The following INSL6 variants were observed in gnomAD, a reference collection of about 807,000 sequenced individuals.
INSL6 encodes the protein insulin-like peptide INSL6.
A neutral mutation model predicts 9.4 loss-of-function variants in INSL6; 16 were observed. The ratio of observed to expected loss-of-function variants is 1.70; its 90% CI spans 1.15 to 2.59. INSL6 has a LOEUF of 2.59. INSL6 is among the 30% of genes most tolerant of loss of function. The pLI, the probability that INSL6 is intolerant of heterozygous loss-of-function variation, is 0.00. For missense variants in INSL6, 391 were observed against 257.3 expected (o/e 1.52, Z -3.56); for synonymous variants, 154 against 96.9 (o/e 1.59, Z -3.46).
At chr9:5,078,375 A>G in the INSL6 span, 1 of 1,612,940 alleles carries the variant, frequency 6.2e-7, no homozygotes, top group Non-Finnish European at 8.5e-7. Context: ...AGAAGACAGG[A>G]AGACAGGAAA....
At chr9:5,073,879 G>A in the INSL6 span, 1 of 767,778 alleles carries the variant, frequency 1.3e-6, no homozygotes, top group African/African-American at 1.7e-5. Flanking sequence ...CTAGGTGTCA[G>A]TGTAAACTAT....
intron 3 of INSL6, among the ~76,000 whole-genome samples, chr9:5,130,184 C>T (rs1027275949): frequency 6.6e-6 from 1 of 152,072 alleles, no homozygotes; most frequent in East Asian, 1.9e-4. Context: ...ATTTTTAAAA[C>T]GAGACCTTTA....
the INSL6 span, chr9:5,111,021 C>A: frequency 2.5e-6 from 2 of 801,612 alleles, no homozygotes; most frequent in Non-Finnish European, 4.1e-6. Flanking sequence ...AGGGCCGGCC[C>A]GCCTCCCTGG....
In INSL6 at chr9:5,164,035, A is replaced by G; in HGVS notation, c.520T>C (p.Tyr174His). ...GHHPQRKRRGYSEKCCLTGCT... is the reference protein window; with the variant it reads ...GHHPQRKRRGHSEKCCLTGCT... ...CCTGTAAGACAACACTTTTCTGAAT[A>G]TCCTCTGCGTTTTCTTTGGGGATGA... is the stretch of plus-strand genomic sequence containing the variant. The change falls in exon 2 of 2, where the codon TAT becomes CAT. Residue 174 changes from tyrosine (Y) to histidine (H), a missense_variant. Coordinates refer to ENST00000381641, the MANE Select transcript of INSL6 (RefSeq NM_007179.3). The G allele has an allele frequency of 1.2e-6, 2 of 1,613,720 alleles. No individual in the cohort carries two copies. The highest frequency in any genetic ancestry group is 2.2e-5 in the South Asian group (2 of 91,046).
chr9:5,133,731 A>C lies in INSL6; in HGVS notation c.377-139T>G, dbSNP rs986348786. 15 of 152,024 alleles carry C rather than the reference A, an allele frequency of 9.9e-5. 1 individual carries two copies. The highest frequency in any genetic ancestry group is 3.6e-4 in the African/African-American group (15 of 41,260). 9.4% of individuals were successfully genotyped at this position (152,024 alleles called of 1,614,324 possible). A position where few individuals can be genotyped will look rare whatever the true frequency, so the allele number is the denominator to read the frequency against. The stretch of plus-strand genomic sequence containing the variant: ...ACCAAAGGTAGATAAATCCACTAAG[A>C]TGGGGAGAAACCAGCAAGAAAAGGG... On this transcript the variant is annotated intron_variant, in intron 2 of 3. Coordinates refer to the INSL6 transcript ENST00000649639.
the INSL6 span, among the ~76,000 whole-genome samples, chr9:5,053,449 A>G: frequency 6.6e-6 from 1 of 152,000 alleles, no homozygotes; most frequent in South Asian, 2.1e-4. Context: ...TACTTTCCTG[A>G]AGGTATCATT....
intron 2 of INSL6, among the ~76,000 whole-genome samples, chr9:5,136,644 A>G (rs1396329444): frequency 6.6e-6 from 1 of 152,236 alleles, no homozygotes; most frequent in Non-Finnish European, 1.5e-5. Context: ...GCTATTTATG[A>G]CAAACTCACA....
the INSL6 span, chr9:5,069,162 C>G: frequency 8.1e-6 from 13 of 1,611,072 alleles, no homozygotes; most frequent in African/African-American, 1.3e-5. Context: ...TTCGCTCAGA[C>G]AATATAATTT....
the INSL6 span, chr9:5,112,641 C>G: frequency 1.0e-6 from 1 of 1,003,754 alleles, no homozygotes; most frequent in Non-Finnish European, 1.4e-6. Context: ...AGCGAGAAGC[C>G]CCAGACCAAA....
At chr9:5,044,043 T>G in the INSL6 span, among the ~76,000 whole-genome samples, 1 of 152,246 alleles carries the variant, frequency 6.6e-6, no homozygotes, top group Non-Finnish European at 1.5e-5. Context: ...TTTCTCCAAA[T>G]AAGCAATTAT....
At chr9:5,180,869 A>G (rs1288818775) in intron 1 of INSL6, among the ~76,000 whole-genome samples, 1 of 152,052 alleles carries the variant, frequency 6.6e-6, no homozygotes, top group African/African-American at 2.4e-5. Flanking sequence ...TTAGACCCTT[A>G]TTAGTAGTTC....
chr9:5,100,973 A>G, the INSL6 span: 1 of 152,316 alleles, frequency 6.6e-6, no homozygotes, highest in Non-Finnish European at 1.5e-5. Context: ...TCGACGCAGA[A>G]GATGGTGATT....
the INSL6 span, chr9:5,078,227 G>T: frequency 8.3e-6 from 10 of 1,205,324 alleles, no homozygotes; most frequent in Non-Finnish European, 1.0e-5. Flanking sequence ...CTTTAAATCT[G>T]TTTTGGGGGC....
the INSL6 span, among the ~76,000 whole-genome samples, chr9:5,068,558 G>A: frequency 6.6e-6 from 1 of 152,170 alleles, no homozygotes; most frequent in Admixed American, 6.5e-5. Flanking sequence ...TAGAAAGATA[G>A]CATGAAGAAT....
At chr9:5,175,229 C>T (rs1047478111) in intron 1 of INSL6, among the ~76,000 whole-genome samples, 4 of 152,082 alleles carry the variant, frequency 2.6e-5, no homozygotes, top group African/African-American at 4.8e-5. Context: ...CATGAGCCAC[C>T]GCGTCTGGCC....
intron 2 of INSL6, among the ~76,000 whole-genome samples, chr9:5,156,586 C>T (rs1021911003): frequency 1.3e-5 from 2 of 152,084 alleles, no homozygotes; most frequent in Non-Finnish European, 2.9e-5. Flanking sequence ...GAAACTTTTT[C>T]AGCTAGATAA....
chr9:5,089,317 T>TCAC, the INSL6 span, among the ~76,000 whole-genome samples: 1 of 151,994 alleles, frequency 6.6e-6, no homozygotes, highest in Admixed American at 6.6e-5. Flanking sequence ...GTTGGGTGGA[T>TCAC]CACCAGGTCA....
chr9:5,113,368 C>G, the INSL6 span, among the ~76,000 whole-genome samples: 4 of 143,606 alleles, frequency 2.8e-5, no homozygotes, highest in African/African-American at 1.1e-4. Flanking sequence ...AAGCCAGCAG[C>G]AAATTGTGCC....
At position 5,183,893 on chromosome 9, in the gene INSL6, C is replaced by G. The variant is rs188965652; in HGVS notation, c.289+1421G>C. ...AAAAATATCAGGCCCCACCCCAGGTCTACTAACTCAGAGTCGGTAAATTAA... is the reference window on the plus strand; with the variant it reads ...AAAAATATCAGGCCCCACCCCAGGTGTACTAACTCAGAGTCGGTAAATTAA... On this transcript the variant is annotated intron_variant, in intron 1 of 1. Transcript: ENST00000381641. 3.3e-5 allele frequency among the ~76,000 whole-genome samples: 5 copies of G among 152,302 alleles called. No individual in the cohort carries two copies. In the East Asian group the frequency reaches 9.6e-4, roughly 29 times the overall value.
Sources: gnomAD v4.1 joint callset for allele counts (sites outside exome capture counted in the v4.1 genomes callset) on GRCh38, gnomAD v4.1.1 for gene constraint, MANE v1.5 for transcripts, NCBI Gene and HGNC (gene_info 2026-07-23, HGNC 2026-07-21) for gene names.